MYO5B: variants seen among roughly 807,000 people sequenced by gnomAD.
MYO5B encodes unconventional myosin-Vb.
A neutral mutation model predicts 229.3 loss-of-function variants in MYO5B; 143 were observed. The ratio of observed to expected loss-of-function variants is 0.62; its 90% confidence interval spans 0.54 to 0.72. The LOEUF is 0.72. MYO5B is among the 30% of genes least tolerant of loss of function. MYO5B has a pLI of 0.00. For missense variants in MYO5B, 2,321 were observed against 2,331.0 expected, an observed-to-expected ratio of 1.00 and a Z score of 0.09; for synonymous variants, 918 against 885.2, an observed-to-expected ratio of 1.04 and a Z score of -0.66.
At chr18:50,168,226 C>A (rs907969733) in intron 1 of MYO5B, among the ~76,000 whole-genome samples, 2 of 152,214 alleles carry the variant, frequency 1.3e-5, no homozygotes, top group Non-Finnish European at 2.9e-5. Flanking sequence ...TGCCTCCCTC[C>A]CGTCACTGCC....
intron 17 of MYO5B, among the ~76,000 whole-genome samples, chr18:49,919,352 CAAAGAACACTACTAAGGAAGTGA>C (rs780253808): frequency 1.1e-3 from 165 of 152,058 alleles, no homozygotes; most frequent in Non-Finnish European, 1.8e-3. Flanking sequence ...TTTTGTGCTT[CAAAGAACACTACTAAGGAAGTGA>C]AAAGATGGTT....
At chr18:50,092,127 T>C (rs1358987122) in intron 1 of MYO5B, among the ~76,000 whole-genome samples, 1 of 152,136 alleles carries the variant, frequency 6.6e-6, no homozygotes, top group Non-Finnish European at 1.5e-5. Flanking sequence ...AGCAGACACA[T>C]ATAAGGGCCA....
rs2024227322 is a variant in MYO5B at position 49,853,588 on chromosome 18, A to G, written c.4082T>C (p.Leu1361Pro). 1.2e-6 allele frequency: 2 copies of G among 1,614,102 alleles called. No individual in the cohort carries two copies. Among genetic ancestry groups the G allele is most frequent in the Non-Finnish European group, 1.7e-6 (2 of 1,180,018 alleles). ...CTTCAGGGCCTCGAGCTGAGCCTTGAGATGCTCCACCTCCTCCTCATGCTC... is the reference window on the plus strand; with the variant it reads ...CTTCAGGGCCTCGAGCTGAGCCTTGGGATGCTCCACCTCCTCCTCATGCTC... ...SLEHEEEVEHLKAQLEALKEE... is the reference protein window; with the variant it reads ...SLEHEEEVEHPKAQLEALKEE... The change falls in exon 31 of 40, where the codon CTC (leucine) becomes CCC (proline). Residue 1361 changes from leucine to proline, a missense_variant. Coordinates refer to ENST00000285039, the MANE Select transcript of MYO5B (RefSeq NM_001080467.3).
At chr18:50,133,434 AG>A (rs1482781012) in intron 1 of MYO5B, among the ~76,000 whole-genome samples, 8 of 152,172 alleles carry the variant, frequency 5.3e-5, no homozygotes. Context: ...TTCAATAGAA[AG>A]AGTGAAAGCT....
chr18:50,053,714 A>G (rs901115859), intron 2 of MYO5B, among the ~76,000 whole-genome samples: 14 of 152,328 alleles, frequency 9.2e-5, no homozygotes, highest in African/African-American at 2.9e-4. Context: ...GGGTTTACCA[A>G]GTGATATGCT....
At chr18:49,985,160 C>A (rs2025857626) in intron 7 of MYO5B, among the ~76,000 whole-genome samples, 1 of 152,168 alleles carries the variant, frequency 6.6e-6, no homozygotes, top group African/African-American at 2.4e-5. Flanking sequence ...AGATCTGATA[C>A]AAGTAAAATG....
At position 50,001,828 on chromosome 18, in the gene MYO5B, G is replaced by A. The variant is rs1258362258; in HGVS notation, c.456-417C>T. Among the ~76,000 whole-genome samples, 4 of 151,848 alleles carry A rather than the reference G, an allele frequency of 2.6e-5. No individual in the cohort carries two copies. In the East Asian group the frequency reaches 7.8e-4, roughly 29 times the overall value. On this transcript the variant is annotated intron_variant, in intron 4 of 39. Coordinates refer to ENST00000285039, the MANE Select transcript of MYO5B (RefSeq NM_001080467.3). ...TGGTGAGTCATGAGGTCAGGAGTTC[G>A]AGGCCATCCTGGCTAACATGGTGAA...
At chr18:50,124,701 C>A (rs1027936590) in intron 1 of MYO5B, among the ~76,000 whole-genome samples, 1 of 151,964 alleles carries the variant, frequency 6.6e-6, no homozygotes, top group South Asian at 2.1e-4. Context: ...AATCTTTCCC[C>A]CCTGGTGCCC....
chr18:49,963,131 T>A, intron 10 of MYO5B, 101 bp from the exon 11 acceptor site: 1 of 881,860 alleles, frequency 1.1e-6, no homozygotes, highest in Non-Finnish European at 1.9e-6. Context: ...CCGATGCCAC[T>A]ACAGAATCCC....
At chr18:50,180,047 C>G (rs2033050632) in intron 1 of MYO5B, among the ~76,000 whole-genome samples, 1 of 152,180 alleles carries the variant, frequency 6.6e-6, no homozygotes, top group South Asian at 2.1e-4. Context: ...TCCTCAAAAC[C>G]AGGATCTTAA....
chr18:50,164,026 G>A (rs1393010579), intron 1 of MYO5B, among the ~76,000 whole-genome samples: 12 of 152,138 alleles, frequency 7.9e-5, no homozygotes, highest in African/African-American at 2.9e-4. Context: ...CAACATTACA[G>A]GCAAAGAATA....
chr18:50,151,656 G>GTA (rs912397558), intron 1 of MYO5B, among the ~76,000 whole-genome samples: 2 of 152,030 alleles, frequency 1.3e-5, no homozygotes, highest in Non-Finnish European at 2.9e-5. Flanking sequence ...TCTAGAAAAA[G>GTA]TATATATATA....
At chr18:49,997,119 T>C (rs1158967808) in intron 5 of MYO5B, among the ~76,000 whole-genome samples, 1 of 151,740 alleles carries the variant, frequency 6.6e-6, no homozygotes, top group Non-Finnish European at 1.5e-5. Flanking sequence ...ATACAAAAGG[T>C]AGCTGGTCAT....
intron 17 of MYO5B, among the ~76,000 whole-genome samples, chr18:49,924,902 C>T (rs1054321396): frequency 2.0e-5 from 3 of 152,204 alleles, no homozygotes; most frequent in Non-Finnish European, 4.4e-5. Flanking sequence ...AAATTGCCCT[C>T]TCCCATTTTC....
chr18:50,021,516 G>C (rs554614488), intron 4 of MYO5B, among the ~76,000 whole-genome samples: 2 of 152,158 alleles, frequency 1.3e-5, no homozygotes, highest in Non-Finnish European at 2.9e-5. Flanking sequence ...TGAGGCAAGA[G>C]AGAGAAAAGA....
chr18:50,127,842 C>T (rs1305886301), intron 1 of MYO5B, among the ~76,000 whole-genome samples: 10 of 152,192 alleles, frequency 6.6e-5, no homozygotes, highest in Admixed American at 6.5e-4. Context: ...TGCGGGTGGG[C>T]CTCATGCAAT....
At chr18:49,897,819 G>A (rs2024796440) in intron 21 of MYO5B, among the ~76,000 whole-genome samples, 1 of 152,170 alleles carries the variant, frequency 6.6e-6, no homozygotes, top group South Asian at 2.1e-4. Flanking sequence ...AGTTTATAAA[G>A]TCGATAGGAG....
At chr18:49,960,766 C>T (rs1475659254) in intron 12 of MYO5B, among the ~76,000 whole-genome samples, 1 of 152,204 alleles carries the variant, frequency 6.6e-6, no homozygotes, top group Non-Finnish European at 1.5e-5. Flanking sequence ...AATGTCTTGA[C>T]ATGTCTAGCC....
chr18:49,876,297 G>C (rs1568621600), intron 25 of MYO5B: 1 of 272,692 alleles, frequency 3.7e-6, no homozygotes, highest in East Asian at 9.9e-5. Flanking sequence ...ATCAATGCTT[G>C]CTCTGCCCCG....
Sources: allele counts gnomAD v4.1 joint callset (sites outside exome capture counted in the v4.1 genomes callset), GRCh38; gene constraint gnomAD v4.1.1; transcripts MANE v1.5; gene names NCBI Gene and HGNC (gene_info 2026-07-23, HGNC 2026-07-21).